The following PRELID2 variants were observed in gnomAD, a reference collection of about 807,000 sequenced individuals.
PRELID2 encodes PRELI domain-containing protein 2.
A neutral mutation model predicts 28.4 loss-of-function variants in PRELID2; 25 were observed. That is an observed-to-expected ratio of 0.88 (90% CI 0.64 to 1.23). PRELID2 has a LOEUF of 1.23. Ranked by LOEUF, PRELID2 falls within the 50% of genes most tolerant of loss-of-function variation. The probability of loss-of-function intolerance (pLI) is 0.00; values close to 1 mark genes in which losing one functional copy is unlikely to be tolerated. For synonymous variants in PRELID2, 76 were observed against 71.6 expected (o/e 1.06, Z -0.31); for missense variants, 201 against 214.4 (o/e 0.94, Z 0.39).
At chr5:145,377,764 C>G in the PRELID2 span, among the ~76,000 whole-genome samples, 2 of 152,106 alleles carry the variant, frequency 1.3e-5, no homozygotes, top group African/African-American at 4.8e-5. Flanking sequence ...AGAAATGGGT[C>G]TCTTGAAAGC....
chr5:145,571,902 A>G (rs1753017941), intron 1 of PRELID2, among the ~76,000 whole-genome samples: 1 of 151,978 alleles, frequency 6.6e-6, no homozygotes, highest in Non-Finnish European at 1.5e-5. Context: ...GAATGGCGTG[A>G]ACCCAGGAGG....
rs367860882 is a variant in PRELID2, at chr5:145,739,664, T to A, written n.70+25267A>T. On this transcript the variant is annotated intron_variant and non_coding_transcript_variant, in intron 1 of 2. Coordinates refer to the PRELID2 transcript ENST00000510259. Reference sequence around the variant, plus strand: ...ATTCTCTGATGTGGTCCCAGATGAATGTACAAGAAATATTTAAATAATTGA... The same window carrying A: ...ATTCTCTGATGTGGTCCCAGATGAAAGTACAAGAAATATTTAAATAATTGA... Among the ~76,000 whole-genome samples, 28 of 152,078 alleles carry A rather than the reference T, an allele frequency of 1.8e-4. No homozygotes were observed. The East Asian group carries it at 5.2e-3, about 28-fold the overall frequency.
the PRELID2 span, among the ~76,000 whole-genome samples, chr5:145,417,508 T>C: frequency 1.3e-5 from 2 of 152,168 alleles, no homozygotes; most frequent in Admixed American, 1.3e-4. Flanking sequence ...AATAAAATAC[T>C]GGCACACCAA....
At chr5:145,391,528 C>A in the PRELID2 span, among the ~76,000 whole-genome samples, 1 of 152,126 alleles carries the variant, frequency 6.6e-6, no homozygotes, top group African/African-American at 2.4e-5. Flanking sequence ...ATTTTTTCCA[C>A]CTAGGCTTCC....
At chr5:145,286,715 TG>T in the PRELID2 span, among the ~76,000 whole-genome samples, 18 of 64,894 alleles carry the variant, frequency 2.8e-4, no homozygotes, top group African/African-American at 1.2e-3. Context: ...TTTTTTTGTT[TG>T]TTTGTTTGTT....
At chr5:145,813,462 G>A (rs1004771642) in intron 4 of PRELID2, among the ~76,000 whole-genome samples, 1 of 152,160 alleles carries the variant, frequency 6.6e-6, no homozygotes, top group African/African-American at 2.4e-5. Flanking sequence ...GCTTGTTGCT[G>A]AAGGGACAAA....
the PRELID2 span, among the ~76,000 whole-genome samples, chr5:145,337,752 CACACACACACAT>C: frequency 0.011 from 1,655 of 145,720 alleles, 41 homozygotes; most frequent in African/African-American, 0.041. Context: ...CACACACACA[CACACACACACAT>C]ACACGTACAT....
At chr5:145,229,164 C>T in the PRELID2 span, 104 of 960,714 alleles carry the variant, frequency 1.1e-4, no homozygotes, top group East Asian at 2.4e-5. Flanking sequence ...GTCCCACAGC[C>T]CCACAAGAAA....
chr5:145,229,949 C>T, the PRELID2 span: 13 of 746,926 alleles, frequency 1.7e-5, no homozygotes, highest in Admixed American at 3.6e-5. Flanking sequence ...TGAGCGTGAA[C>T]GTGCAGGGTG....
chr5:145,720,251 A>T (rs113794424), intron 1 of PRELID2, among the ~76,000 whole-genome samples: 154 of 151,916 alleles, frequency 1.0e-3, no homozygotes, highest in African/African-American at 2.8e-3. Flanking sequence ...AAATGGGCCC[A>T]CCAGATACTT....
At chr5:145,463,966 C>T in the PRELID2 span, among the ~76,000 whole-genome samples, 4 of 152,178 alleles carry the variant, frequency 2.6e-5, no homozygotes, top group Admixed American at 2.0e-4. Context: ...GGACAACATA[C>T]ATTACAAGAG....
At chr5:145,628,847 C>T (rs954069555) in intron 1 of PRELID2, among the ~76,000 whole-genome samples, 4 of 152,114 alleles carry the variant, frequency 2.6e-5, no homozygotes, top group Admixed American at 2.6e-4. Flanking sequence ...TATAATTTTC[C>T]ACCACAGCCC....
intron 1 of PRELID2, among the ~76,000 whole-genome samples, chr5:145,595,492 G>A (rs1174622487): frequency 6.6e-6 from 1 of 152,170 alleles, no homozygotes; most frequent in Non-Finnish European, 1.5e-5. Context: ...ATACATTCAT[G>A]CATCCACTGA....
At chr5:145,774,882 A>G (rs1581176447) in intron 5 of PRELID2, among the ~76,000 whole-genome samples, 1 of 152,196 alleles carries the variant, frequency 6.6e-6, no homozygotes, top group Non-Finnish European at 1.5e-5. Flanking sequence ...CTATAAGTCA[A>G]TTACATAAGA....
the PRELID2 span, among the ~76,000 whole-genome samples, chr5:145,354,247 C>T: frequency 1.3e-5 from 2 of 151,788 alleles, no homozygotes; most frequent in Non-Finnish European, 2.9e-5. Flanking sequence ...AAACAGGCCT[C>T]TTAACCAAGA....
intron 1 of PRELID2, among the ~76,000 whole-genome samples, chr5:145,826,778 A>G (rs1184018925): frequency 6.6e-6 from 1 of 152,180 alleles, no homozygotes; most frequent in Non-Finnish European, 1.5e-5. Flanking sequence ...AACTGAATCC[A>G]TCTAATTACA....
At chr5:145,655,100 C>A (rs1754370131) in intron 1 of PRELID2, among the ~76,000 whole-genome samples, 1 of 151,736 alleles carries the variant, frequency 6.6e-6, no homozygotes, top group African/African-American at 2.4e-5. Flanking sequence ...TCTTAAACAC[C>A]AATAACAGAC....
intron 5 of PRELID2, among the ~76,000 whole-genome samples, chr5:145,766,784 A>T (rs1251835973): frequency 1.3e-5 from 2 of 152,156 alleles, no homozygotes. Flanking sequence ...GGAGTAACAT[A>T]GACCACAGAG....
At chr5:145,749,274 GA>G (rs201872929) in intron 1 of PRELID2, among the ~76,000 whole-genome samples, 1 of 151,726 alleles carries the variant, frequency 6.6e-6, no homozygotes, top group Non-Finnish European at 1.5e-5. Context: ...AAATTTACAA[GA>G]AAAAAACAAC....
Sources: gnomAD v4.1 joint callset for allele counts (sites outside exome capture counted in the v4.1 genomes callset) on GRCh38, gnomAD v4.1.1 for gene constraint, MANE v1.5 for transcripts, NCBI Gene and HGNC (gene_info 2026-07-23, HGNC 2026-07-21) for gene names.